The following CORO2A variants were observed in gnomAD, a reference collection of about 807,000 sequenced individuals.
The protein encoded by CORO2A is coronin 2A.
In CORO2A, 47 loss-of-function variants were observed where a neutral mutation model predicts 62.4. The observed-to-expected ratio is 0.75, with a 90% confidence interval of 0.60 to 0.96. CORO2A has a LOEUF of 0.96. Among genes scored for constraint, CORO2A ranks in the 40% least tolerant of loss-of-function variants. The probability of loss-of-function intolerance (pLI) is 0.00; values close to 1 mark genes in which losing one functional copy is unlikely to be tolerated. For missense variants in CORO2A, 610 were observed against 684.1 expected (o/e 0.89, Z 1.21); for synonymous variants, 273 against 268.9 (o/e 1.02, Z -0.15).
Position 98,124,745 on chromosome 9 carries a change from C to T in CORO2A, c.*29G>A. ...CTCCCCATGGAGCCGAGTGGTGTCC[C>T]TGAGGGTGAGGAGGGCAGAGGTCTC... On this transcript the variant is annotated 3_prime_UTR_variant, in exon 12 of 12. Transcript: ENST00000375077. 1 of 1,589,488 alleles carries T rather than the reference C, an allele frequency of 6.3e-7. No homozygotes were observed. The highest frequency in any genetic ancestry group is 8.6e-7 in the Non-Finnish European group (1 of 1,166,080).
rs1260474617 is a variant in CORO2A, at chr9:98,129,922, G to T, written c.871-32C>A. On this transcript the variant is annotated intron_variant, in intron 7 of 11. Coordinates refer to ENST00000375077, the MANE Select transcript of CORO2A (RefSeq NM_052820.4). ...AGGAGGAGAAGGAAGAGGAGGGTGA[G>T]ATTCAGAGCTGGAGCTCATCAGCTC... The T allele has an allele frequency of 2.6e-6, 4 of 1,559,414 alleles. No homozygotes were observed. In the South Asian group the frequency reaches 4.4e-5, roughly 17 times the overall value.
chr9:98,160,785 A>G (rs1827874600), intron 1 of CORO2A, among the ~76,000 whole-genome samples: 1 of 151,546 alleles, frequency 6.6e-6, no homozygotes, highest in African/African-American at 2.4e-5. Context: ...TGCTCCCCTC[A>G]TGTCCAGGCC....
intron 5 of CORO2A, 80 bp downstream of exon 5, chr9:98,132,958 C>T (rs1827429843): frequency 8.6e-6 from 13 of 1,512,188 alleles, no homozygotes; most frequent in Middle Eastern, 1.9e-4. Context: ...CATCACTGTC[C>T]TGTTCTCTGA....
chr9:98,134,309 G>A (rs756372780), intron 4 of CORO2A, among the ~76,000 whole-genome samples: 1 of 152,188 alleles, frequency 6.6e-6, no homozygotes, highest in Non-Finnish European at 1.5e-5. Flanking sequence ...ATGCTTGATT[G>A]TCAGTGGAGC....
chr9:98,179,798 T>A (rs1588015269), intron 1 of CORO2A, among the ~76,000 whole-genome samples: 1 of 151,392 alleles, frequency 6.6e-6, no homozygotes, highest in African/African-American at 2.4e-5. Context: ...AGGTCAGGAG[T>A]TTGAGACCAG....
At chr9:98,138,786 C>T (rs1323776938) in intron 2 of CORO2A, among the ~76,000 whole-genome samples, 2 of 152,118 alleles carry the variant, frequency 1.3e-5, no homozygotes, top group African/African-American at 2.4e-5. Flanking sequence ...CGGTGGCTCA[C>T]GACTGTAATC....
intron 7 of CORO2A, 21 bp from the exon 8 acceptor site, chr9:98,129,911 G>C (rs1209867088): frequency 6.3e-6 from 10 of 1,584,876 alleles, no homozygotes; most frequent in Non-Finnish European, 8.7e-6. Flanking sequence ...GGAGAAGGAA[G>C]AGGAGGGTGA....
At chr9:98,134,992 AG>A (rs1827466409) in intron 3 of CORO2A, 37 bp from the exon 4 acceptor site, 1 of 1,606,472 alleles carries the variant, frequency 6.2e-7, no homozygotes, top group Non-Finnish European at 8.5e-7. Flanking sequence ...AGCATTAGCC[AG>A]GGCACCTTGG....
At chr9:98,134,325 C>T (rs900487917) in intron 4 of CORO2A, among the ~76,000 whole-genome samples, 4 of 152,068 alleles carry the variant, frequency 2.6e-5, no homozygotes, top group East Asian at 1.9e-4. Flanking sequence ...GGAGCAGGGT[C>T]GGGGGAACGA....
chr9:98,134,089 G>T (rs1827450465), intron 4 of CORO2A, among the ~76,000 whole-genome samples: 1 of 152,112 alleles, frequency 6.6e-6, no homozygotes, highest in Non-Finnish European at 1.5e-5. Context: ...GGGTCCCGAG[G>T]TGTCTCTGTA....
chr9:98,129,999 AAC>A, intron 7 of CORO2A, 109 bp from the exon 8 acceptor site: 1 of 745,588 alleles, frequency 1.3e-6, no homozygotes, highest in South Asian at 1.6e-5. Flanking sequence ...ATGATCGGCA[AAC>A]CCATCTCACT....
At chr9:98,171,463 G>T (rs920171335) in intron 1 of CORO2A, among the ~76,000 whole-genome samples, 3 of 152,204 alleles carry the variant, frequency 2.0e-5, no homozygotes, top group Non-Finnish European at 4.4e-5. Context: ...GAGATGCATG[G>T]GCAGACCCAG....
chr9:98,128,186 G>A lies in CORO2A; in HGVS notation c.1155C>T (p.Leu385=). The change falls in exon 10 of 12, where the codon CTC becomes CTT. Residue 385 remains leucine (L), a synonymous_variant. Transcript: ENST00000375077. ...CTTCCTCACCTCGATTCATCCCGCT[G>A]AGCCACTCCTGGGCCGTCAGGGAGG... The part of the protein sequence containing the change: ...AQPSLTAQEW[L]SGMNRDPILV... 1 of 1,613,438 alleles carries A rather than the reference G, an allele frequency of 6.2e-7. No homozygotes were observed.
At position 98,127,577 on chromosome 9, in the gene CORO2A, C is replaced by G. The variant is rs564136686; in HGVS notation, c.1171+593G>C. Among the ~76,000 whole-genome samples, 95 of 152,156 alleles carry G rather than the reference C, an allele frequency of 6.2e-4. 1 individual carries two copies. Among genetic ancestry groups the G allele is most frequent in the Middle Eastern group, 6.8e-3 (2 of 294 alleles). ...CTGTAATCCCAGCACTTCGGGAGGC[C>G]GAGGCAGGTGGATCACTTGAGGTCA... On this transcript the variant is annotated intron_variant, in intron 10 of 11. Transcript: ENST00000375077.
In CORO2A at chr9:98,154,327, G is replaced by GTATATATATATATATA. The variant is rs1252469980; in HGVS notation, c.201+3132_201+3133insTATATATATATATATA. Among the ~76,000 whole-genome samples the GTATATATATATATATA allele has an allele frequency of 2.3e-3, 210 of 93,190 alleles. 1 individual carries two copies. Among genetic ancestry groups the GTATATATATATATATA allele is most frequent in the East Asian group, 8.8e-3 (24 of 2,738 alleles). The allele number at this position is 93,190 out of a possible 152,430, so 61.1% of individuals were successfully genotyped here. On this transcript the variant is annotated intron_variant, in intron 2 of 11. Transcript: ENST00000375077. ...CCTAGAGTCTTTCTTATGTGTTTGT[G>GTATATATATATATATA]TGTATATATATATATATATATATAT... is the stretch of plus-strand genomic sequence containing the variant.
rs1488170562 is a variant in CORO2A, at chr9:98,124,247, C to T, written c.*527G>A. On this transcript the variant is annotated 3_prime_UTR_variant, in exon 12 of 12. Coordinates refer to ENST00000375077, the MANE Select transcript of CORO2A (RefSeq NM_052820.4). ...GTCAGGCTGGTCTCGAACTGCTGAC[C>T]TCGTGATCCACCAGCCTCGGCCTCC... 1 of 152,220 alleles carries T rather than the reference C, an allele frequency of 6.6e-6. No individual in the cohort carries two copies. Among genetic ancestry groups the T allele is most frequent in the Non-Finnish European group, 1.5e-5 (1 of 68,094 alleles). The allele number at this position is 152,220 out of a possible 1,614,324, so 9.4% of individuals were successfully genotyped here.
At chr9:98,135,092 T>C in intron 3 of CORO2A, 137 bp from the exon 4 acceptor site, 8 of 1,160,560 alleles carry the variant, frequency 6.9e-6, no homozygotes, top group South Asian at 1.6e-5. Context: ...ACTCAGTGGC[T>C]ATGGGCATTG....
At chr9:98,176,668 A>G (rs1828112757) in intron 1 of CORO2A, among the ~76,000 whole-genome samples, 1 of 151,988 alleles carries the variant, frequency 6.6e-6, no homozygotes, top group South Asian at 2.1e-4. Flanking sequence ...ATGTGCTCCA[A>G]GCTCTCCCCA....
intron 2 of CORO2A, among the ~76,000 whole-genome samples, chr9:98,143,435 G>A (rs943187767): frequency 3.3e-5 from 5 of 152,152 alleles, no homozygotes; most frequent in African/African-American, 1.2e-4. Flanking sequence ...GTGGCAGGAC[G>A]GGCAGAGGGA....
Sources: gnomAD v4.1 joint callset for allele counts (sites outside exome capture counted in the v4.1 genomes callset) on GRCh38, gnomAD v4.1.1 for gene constraint, MANE v1.5 for transcripts, NCBI Gene and HGNC (gene_info 2026-07-23, HGNC 2026-07-21) for gene names.